SLC9A9: variants seen among roughly 807,000 people sequenced by gnomAD.
The protein encoded by SLC9A9 is sodium/hydrogen exchanger 9.
A neutral mutation model predicts 77.8 loss-of-function variants in SLC9A9; 62 were observed. That is an observed-to-expected ratio of 0.80 (90% confidence interval 0.65 to 0.98). The LOEUF is 0.98. SLC9A9 is among the 50% of genes least tolerant of loss of function. SLC9A9 has a pLI of 0.00. For missense variants in SLC9A9, 775 were observed against 774.9 expected, an observed-to-expected ratio of 1.00 and a Z score of 0.00; for synonymous variants, 320 against 283.5, an observed-to-expected ratio of 1.13 and a Z score of -1.29.
chr3:143,276,910 G>A (rs1404648569), intron 14 of SLC9A9, among the ~76,000 whole-genome samples: 1 of 152,194 alleles, frequency 6.6e-6, no homozygotes, highest in Non-Finnish European at 1.5e-5. Flanking sequence ...GGAAACTCTG[G>A]TCAGGGATGA....
chr3:143,798,241 G>A (rs767395856), intron 2 of SLC9A9, among the ~76,000 whole-genome samples: 36 of 151,956 alleles, frequency 2.4e-4, no homozygotes, highest in Admixed American at 1.3e-3. Flanking sequence ...CATTTTATCC[G>A]TGGACCCCAA....
In SLC9A9 at chr3:143,767,988, A is replaced by C. The variant is rs149808587; in HGVS notation, c.533+27013T>G. Among the ~76,000 whole-genome samples the C allele has an allele frequency of 3.6e-4, 55 of 152,266 alleles. 1 individual carries two copies. Among genetic ancestry groups the C allele is most frequent in the African/African-American group, 1.3e-3 (52 of 41,540 alleles). On this transcript the variant is annotated intron_variant, in intron 4 of 15. Coordinates refer to ENST00000316549, the MANE Select transcript of SLC9A9 (RefSeq NM_173653.4). ...TTGCTTTGCTGTTAAATTTTGGACAAGGCAATTAAAGGTAAATAGATGACA... is the reference window on the plus strand; with the variant it reads ...TTGCTTTGCTGTTAAATTTTGGACACGGCAATTAAAGGTAAATAGATGACA...
Position 143,317,274 on chromosome 3 carries a change from T to C in SLC9A9, c.1604+46210A>G, listed in dbSNP as rs573702162. 2.6e-5 allele frequency among the ~76,000 whole-genome samples: 4 copies of C among 151,930 alleles called. No individual in the cohort carries two copies. In the South Asian group the frequency reaches 8.4e-4, roughly 32 times the overall value. On this transcript the variant is annotated intron_variant, in intron 14 of 15. Coordinates refer to ENST00000316549, the MANE Select transcript of SLC9A9 (RefSeq NM_173653.4). ...TCAGGTCCACCAAGAAATGAGAACATGGTCACTATGGCCAGGGCAGCCCTC... is the reference window on the plus strand; with the variant it reads ...TCAGGTCCACCAAGAAATGAGAACACGGTCACTATGGCCAGGGCAGCCCTC...
At chr3:143,666,100 A>G (rs2091198) in intron 5 of SLC9A9, among the ~76,000 whole-genome samples, 1 of 152,200 alleles carries the variant, frequency 6.6e-6, no homozygotes, top group Non-Finnish European at 1.5e-5. Flanking sequence ...ATACTGTCAA[A>G]CTGAATCCAG....
chr3:143,427,425 G>A (rs747247181), intron 12 of SLC9A9, among the ~76,000 whole-genome samples: 3 of 152,170 alleles, frequency 2.0e-5, no homozygotes, highest in Non-Finnish European at 4.4e-5. Flanking sequence ...TTGCATCAGG[G>A]CATCTCATGT....
At chr3:143,450,780 G>A (rs2108555889) in intron 12 of SLC9A9, among the ~76,000 whole-genome samples, 1 of 152,174 alleles carries the variant, frequency 6.6e-6, no homozygotes, top group Middle Eastern at 3.2e-3. Context: ...CAGCCCACAT[G>A]GACACAGGCT....
At chr3:143,815,248 A>C (rs2008973927) in intron 2 of SLC9A9, among the ~76,000 whole-genome samples, 1 of 152,176 alleles carries the variant, frequency 6.6e-6, no homozygotes, top group Non-Finnish European at 1.5e-5. Flanking sequence ...TTTTCATAGT[A>C]AAAAAATTAA....
At chr3:143,546,252 ATT>A (rs2108634349) in intron 9 of SLC9A9, among the ~76,000 whole-genome samples, 1 of 152,300 alleles carries the variant, frequency 6.6e-6, no homozygotes, top group East Asian at 1.9e-4. Context: ...TTGGATTTGC[ATT>A]GCTGCTTTTC....
intron 5 of SLC9A9, among the ~76,000 whole-genome samples, chr3:143,683,718 T>G (rs1383985465): frequency 6.6e-6 from 1 of 152,154 alleles, no homozygotes; most frequent in Non-Finnish European, 1.5e-5. Flanking sequence ...TTTTAAAAAT[T>G]ATGACCTCTC....
Position 143,765,002 on chromosome 3 carries a change from T to TTC in SLC9A9, c.533+29998_533+29999insGA, listed in dbSNP as rs1180532419. ...TCCTTCCTTCCTTCCTTCCTTCCTT[T>TTC]CTTTCTTTCTCTCTTTCTCTTTCTT... On this transcript the variant is annotated intron_variant, in intron 4 of 15. Transcript: ENST00000316549. Among the ~76,000 whole-genome samples, 913 of 136,028 alleles carry TTC rather than the reference T, an allele frequency of 6.7e-3. 15 individuals carry two copies. The highest frequency in any genetic ancestry group is 0.03 in the African/African-American group (879 of 29,674). 89.2% of individuals were successfully genotyped at this position (136,028 alleles called of 152,430 possible).
rs553907124 is a variant in SLC9A9, at chr3:143,319,143, A to G, written c.1604+44341T>C. Among the ~76,000 whole-genome samples the G allele has an allele frequency of 7.5e-4, 114 of 152,320 alleles. 1 individual carries two copies. The highest frequency in any genetic ancestry group is 8.8e-5 in the Non-Finnish European group (6 of 68,024). On this transcript the variant is annotated intron_variant, in intron 14 of 15. Transcript: ENST00000316549. ...TGGGAGCTCATTCATTGCAGATCCA[A>G]TCAATAACTGGGCGCTAGTCTAATA...
chr3:143,786,222 G>T (rs1296272506), intron 4 of SLC9A9, among the ~76,000 whole-genome samples: 1 of 152,112 alleles, frequency 6.6e-6, no homozygotes, highest in African/African-American at 2.4e-5. Context: ...TTAATAAGAA[G>T]ACTTCTCAGA....
chr3:143,422,919 A>C (rs887399146), intron 12 of SLC9A9, among the ~76,000 whole-genome samples: 1 of 152,190 alleles, frequency 6.6e-6, no homozygotes. Context: ...GCAAATCCAG[A>C]GTAGTTCAAG....
At chr3:143,395,843 A>T (rs1244251940) in intron 12 of SLC9A9, among the ~76,000 whole-genome samples, 1 of 152,262 alleles carries the variant, frequency 6.6e-6, no homozygotes, top group African/African-American at 2.4e-5. Flanking sequence ...CAGACATATG[A>T]AAAAATGCTC....
At chr3:143,341,534 G>T (rs2032098360) in intron 14 of SLC9A9, among the ~76,000 whole-genome samples, 1 of 151,768 alleles carries the variant, frequency 6.6e-6, no homozygotes. Flanking sequence ...AATGGGACAA[G>T]TTGCTTGCCA....
chr3:143,525,261 A>G (rs2036385349), intron 9 of SLC9A9, among the ~76,000 whole-genome samples: 1 of 152,186 alleles, frequency 6.6e-6, no homozygotes, highest in African/African-American at 2.4e-5. Context: ...ATTAATACAG[A>G]TCAACTATGA....
intron 12 of SLC9A9, among the ~76,000 whole-genome samples, chr3:143,386,351 A>G (rs990735733): frequency 2.6e-5 from 4 of 152,184 alleles, no homozygotes; most frequent in Non-Finnish European, 2.9e-5. Flanking sequence ...ATTACCCTGT[A>G]GTTGTTCAAG....
At chr3:143,824,640 A>G (rs1177580114) in intron 2 of SLC9A9, among the ~76,000 whole-genome samples, 1 of 152,208 alleles carries the variant, frequency 6.6e-6, no homozygotes, top group African/African-American at 2.4e-5. Flanking sequence ...GTTCACTACC[A>G]TACTTGCAGC....
chr3:143,806,634 T>A (rs193095566), intron 2 of SLC9A9, among the ~76,000 whole-genome samples: 1 of 152,136 alleles, frequency 6.6e-6, no homozygotes, highest in Non-Finnish European at 1.5e-5. Flanking sequence ...TTTTGCATAT[T>A]TTTACTCATT....
Sources: allele counts gnomAD v4.1 joint callset (sites outside exome capture counted in the v4.1 genomes callset), GRCh38; gene constraint gnomAD v4.1.1; transcripts MANE v1.5; gene names NCBI Gene and HGNC (gene_info 2026-07-23, HGNC 2026-07-21).